Variants in HRH1 observed in about 807,000 individuals in gnomAD.
The protein encoded by HRH1 is histamine H1 receptor.
In HRH1, 6 loss-of-function variants were observed where a neutral mutation model predicts 10.3. The ratio of observed to expected loss-of-function variants is 0.58; its 90% CI spans 0.32 to 1.15. HRH1 has a LOEUF of 1.15. HRH1 is among the 50% of genes most tolerant of loss of function. The pLI, the probability that HRH1 is intolerant of heterozygous loss-of-function variation, is 0.05. For synonymous variants in HRH1, 242 were observed against 236.7 expected (o/e 1.02, Z -0.21); for missense variants, 514 against 615.3 (o/e 0.84, Z 1.74).
At chr3:11,204,562 C>T (rs1261181226) in intron 1 of HRH1, among the ~76,000 whole-genome samples, 5 of 152,058 alleles carry the variant, frequency 3.3e-5, no homozygotes, top group African/African-American at 9.7e-5. Context: ...ACTGAATCAC[C>T]GAAGGGGAAG....
At chr3:11,153,572 G>A (rs1056931090), upstream of HRH1, among the ~76,000 whole-genome samples, 1 of 147,854 alleles carries the variant, frequency 6.8e-6, no homozygotes, top group African/African-American at 2.5e-5. Context: ...TGGTCCCTTC[G>A]AAACTGCTGG....
chr3:11,163,784 C>T (rs1377356934), intron 1 of HRH1, among the ~76,000 whole-genome samples: 4 of 152,090 alleles, frequency 2.6e-5, no homozygotes, highest in African/African-American at 4.8e-5. Flanking sequence ...ATATACACCT[C>T]TCTCTCTCTT....
chr3:11,175,757 T>C (rs1937236540), intron 1 of HRH1, among the ~76,000 whole-genome samples: 3 of 152,216 alleles, frequency 2.0e-5, no homozygotes, highest in Non-Finnish European at 4.4e-5. Context: ...TACACACATA[T>C]GTCGAATTGA....
At chr3:11,245,511 C>A (rs1285599704) in intron 1 of HRH1, among the ~76,000 whole-genome samples, 1 of 152,272 alleles carries the variant, frequency 6.6e-6, no homozygotes, top group South Asian at 2.1e-4. Context: ...CTTGGGCTTG[C>A]GGGCATTTAG....
intron 1 of HRH1, among the ~76,000 whole-genome samples, chr3:11,225,348 G>A (rs906628428): frequency 5.9e-5 from 9 of 152,194 alleles, no homozygotes; most frequent in Admixed American, 5.2e-4. Context: ...TGGAGTCGGA[G>A]AGAGGGACAG....
intron 1 of HRH1, among the ~76,000 whole-genome samples, chr3:11,194,014 T>C (rs1177741944): frequency 6.6e-6 from 1 of 152,218 alleles, no homozygotes; most frequent in Non-Finnish European, 1.5e-5. Context: ...TGTGGGGAAA[T>C]AAAAATGATG....
At chr3:11,176,708 G>A (rs1384066834) in intron 1 of HRH1, among the ~76,000 whole-genome samples, 1 of 152,222 alleles carries the variant, frequency 6.6e-6, no homozygotes, top group Non-Finnish European at 1.5e-5. Context: ...CTCTCTGCCA[G>A]GCCCAAAGTC....
At chr3:11,227,321 C>T (rs923601491) in intron 1 of HRH1, among the ~76,000 whole-genome samples, 1 of 150,816 alleles carries the variant, frequency 6.6e-6, no homozygotes. Flanking sequence ...GAGTCTCGCT[C>T]TGTCCCCCAG....
At chr3:11,167,534 G>A (rs902757447) in intron 1 of HRH1, among the ~76,000 whole-genome samples, 7 of 152,004 alleles carry the variant, frequency 4.6e-5, no homozygotes, top group Admixed American at 1.3e-4. Flanking sequence ...CTCCAGGCCC[G>A]TGACATCTGC....
intron 1 of HRH1, among the ~76,000 whole-genome samples, chr3:11,177,158 A>G (rs1979806): frequency 0.19 from 29,192 of 151,704 alleles, 5,260 homozygotes; most frequent in African/African-American, 0.48. Context: ...CCCAGCATTC[A>G]GGGAGGCCAA....
chr3:11,199,345 C>T (rs1937807509), intron 1 of HRH1, among the ~76,000 whole-genome samples: 1 of 152,172 alleles, frequency 6.6e-6, no homozygotes, highest in Non-Finnish European at 1.5e-5. Context: ...AAGCACACTG[C>T]CAGTCCCGGG....
Position 11,260,237 on chromosome 3 carries a change from G to C in HRH1, c.1200G>C (p.Gln400His). 1 of 1,614,154 alleles carries C rather than the reference G, an allele frequency of 6.2e-7. No individual in the cohort carries two copies. The highest frequency in any genetic ancestry group is 8.5e-7 in the Non-Finnish European group (1 of 1,180,036). Reference protein sequence around the residue: ...TWKRLRSHSRQYVSGLHMNRE... With the variant: ...TWKRLRSHSRHYVSGLHMNRE... ...AGAGGCTCCGCTCGCATTCAAGACA[G>C]TATGTATCTGGGTTGCACATGAACC... is the stretch of plus-strand genomic sequence containing the variant. The change falls in exon 2 of 2, where the codon CAG becomes CAC. Residue 400 changes from glutamine to histidine, a missense_variant. Gln to His is a conservative substitution (Grantham distance 24). Coordinates refer to ENST00000431010, the MANE Select transcript of HRH1 (RefSeq NM_001098212.2).
At chr3:11,176,928 A>G (rs1937259717) in intron 1 of HRH1, among the ~76,000 whole-genome samples, 1 of 152,232 alleles carries the variant, frequency 6.6e-6, no homozygotes, top group Admixed American at 6.5e-5. Flanking sequence ...CTCCGTCTCT[A>G]TGAAAAATAC....
chr3:11,255,798 A>G (rs1939767410), intron 1 of HRH1, among the ~76,000 whole-genome samples: 1 of 152,250 alleles, frequency 6.6e-6, no homozygotes, highest in African/African-American at 2.4e-5. Flanking sequence ...GCAATCAGAT[A>G]TGCATTTATC....
At position 11,242,041 on chromosome 3, in the gene HRH1, A is replaced by C. The variant is rs551752467; in HGVS notation, c.-35-16962A>C. On this transcript the variant is annotated intron_variant, in intron 1 of 1. Coordinates refer to ENST00000431010, the MANE Select transcript of HRH1 (RefSeq NM_001098212.2). ...TGATAGGACAAAAACGGAACATGGG[A>C]GGGGACAAATACGGGAATAAAAGCT... Among the ~76,000 whole-genome samples, 490 of 152,218 alleles carry C rather than the reference A, an allele frequency of 3.2e-3. 2 individuals are homozygous for C. Among genetic ancestry groups the C allele is most frequent in the South Asian group, 2.7e-3 (13 of 4,820 alleles).
intron 1 of HRH1, among the ~76,000 whole-genome samples, chr3:11,228,158 A>T (rs1938944986): frequency 6.6e-6 from 1 of 152,218 alleles, no homozygotes; most frequent in Non-Finnish European, 1.5e-5. Context: ...AACTCCTCCT[A>T]CCATAATTCA....
chr3:11,240,214 G>A (rs1025848956), intron 1 of HRH1, among the ~76,000 whole-genome samples: 7 of 152,002 alleles, frequency 4.6e-5, no homozygotes, highest in African/African-American at 1.7e-4. Flanking sequence ...TCAGCATTCT[G>A]CATCCCCTAT....
At chr3:11,194,104 G>C (rs770964807) in intron 1 of HRH1, among the ~76,000 whole-genome samples, 1 of 152,168 alleles carries the variant, frequency 6.6e-6, no homozygotes, top group Non-Finnish European at 1.5e-5. Flanking sequence ...AAGCATGTGC[G>C]TAGGGATAAA....
At chr3:11,181,852 CG>C (rs1937361043) in intron 1 of HRH1, among the ~76,000 whole-genome samples, 1 of 152,060 alleles carries the variant, frequency 6.6e-6, no homozygotes, top group Admixed American at 6.5e-5. Context: ...AGGATGGTCT[CG>C]ATCTCCTGAC....
Sources: allele counts gnomAD v4.1 joint callset (sites outside exome capture counted in the v4.1 genomes callset), GRCh38; gene constraint gnomAD v4.1.1; transcripts MANE v1.5; gene names NCBI Gene and HGNC (gene_info 2026-07-23, HGNC 2026-07-21).